The following MRPL39 variants were observed in gnomAD, a reference collection of about 807,000 sequenced individuals.
The protein encoded by MRPL39 is large ribosomal subunit protein mL39.
In MRPL39, 35 loss-of-function variants were observed where a neutral mutation model predicts 44.5. The observed-to-expected ratio is 0.79, with a 90% CI of 0.60 to 1.04. The LOEUF (loss-of-function observed/expected upper bound fraction) is 1.04, where lower values mean the gene tolerates loss of function less well. MRPL39 is among the 50% of genes least tolerant of loss of function. The pLI is 0.00. For missense variants in MRPL39, 433 were observed against 413.5 expected (o/e 1.05, Z -0.41); for synonymous variants, 139 against 136.1 (o/e 1.02, Z -0.15).
chr21:25,599,655 CAGAT>C (rs2031463369), intron 5 of MRPL39, 140 bp downstream of exon 5: 3 of 660,022 alleles, frequency 4.5e-6, no homozygotes, highest in Admixed American at 6.3e-5. Context: ...GACAGACAGA[CAGAT>C]ACATAGATAC....
chr21:25,605,534 C>CA (rs1340005709), intron 2 of MRPL39, among the ~76,000 whole-genome samples: 16 of 151,770 alleles, frequency 1.1e-4, no homozygotes, highest in African/African-American at 2.7e-4. Flanking sequence ...AAAAAGGCGG[C>CA]AAAAAAAAGC....
intron 5 of MRPL39, among the ~76,000 whole-genome samples, 170 bp downstream of exon 5, chr21:25,599,629 A>AATAG (rs3841742): frequency 3.9e-5 from 6 of 152,068 alleles, no homozygotes; most frequent in Non-Finnish European, 8.8e-5. Flanking sequence ...CAACAACACC[A>AATAG]ATAGATAGAT....
intron 9 of MRPL39, among the ~76,000 whole-genome samples, chr21:25,588,582 TC>T (rs2031075812): frequency 6.6e-6 from 1 of 152,216 alleles, no homozygotes; most frequent in African/African-American, 2.4e-5. Flanking sequence ...ATAGTAATAT[TC>T]TTATTTCTCT....
chr21:25,592,560 C>T (rs2031212626), intron 8 of MRPL39, among the ~76,000 whole-genome samples: 1 of 152,072 alleles, frequency 6.6e-6, no homozygotes, highest in Admixed American at 6.5e-5. Context: ...TGTCAATGTA[C>T]CCTCACCTAT....
At chr21:25,586,135 G>T (rs1345946283) in intron 9 of MRPL39, among the ~76,000 whole-genome samples, 3 of 152,100 alleles carry the variant, frequency 2.0e-5, no homozygotes, top group Non-Finnish European at 4.4e-5. Context: ...ACATATTACA[G>T]ATTTAGTCTA....
chr21:25,587,757 C>T (rs764048786), intron 9 of MRPL39: 7 of 1,612,874 alleles, frequency 4.3e-6, no homozygotes, highest in Non-Finnish European at 5.1e-6. Flanking sequence ...AGAATGACTG[C>T]GTAGTAAATA....
chr21:25,591,857 G>A (rs150308362), intron 8 of MRPL39, among the ~76,000 whole-genome samples: 93 of 152,238 alleles, frequency 6.1e-4, no homozygotes, highest in African/African-American at 2.1e-3. Flanking sequence ...ACAAAAACCT[G>A]CACACAATGT....
intron 4 of MRPL39, 102 bp from the exon 5 acceptor site, chr21:25,599,968 T>A (rs2031473968): frequency 1.2e-6 from 1 of 842,062 alleles, no homozygotes. Flanking sequence ...GGATTAGCAC[T>A]CTCTCCCAAC....
At chr21:25,607,673 T>G (rs1367442496), upstream of MRPL39, among the ~76,000 whole-genome samples, 1 of 152,072 alleles carries the variant, frequency 6.6e-6, no homozygotes, top group Non-Finnish European at 1.5e-5. Flanking sequence ...GCGTTACCTG[T>G]GCTCGATACC....
intron 9 of MRPL39, chr21:25,587,648 G>T: frequency 8.0e-7 from 1 of 1,251,908 alleles, no homozygotes; most frequent in Non-Finnish European, 1.2e-6. Context: ...ATAGTATGTG[G>T]ACATATACAA....
intron 5 of MRPL39, among the ~76,000 whole-genome samples, chr21:25,598,450 A>ATAG (rs1159226010): frequency 1.5e-5 from 1 of 66,980 alleles, no homozygotes; most frequent in Non-Finnish European, 4.4e-5. Flanking sequence ...AAAAAAAAAA[A>ATAG]AAAGAGAGAG....
At chr21:25,586,717 T>C (rs778446865) in intron 9 of MRPL39, among the ~76,000 whole-genome samples, 7 of 152,216 alleles carry the variant, frequency 4.6e-5, no homozygotes, top group Non-Finnish European at 8.8e-5. Flanking sequence ...TGACTTCCTC[T>C]GAGATAACCT....
In MRPL39 at chr21:25,592,927, A is replaced by G. The variant is rs771011312; in HGVS notation, c.806T>C (p.Ile269Thr). 6.2e-7 allele frequency: 1 copy of G among 1,613,506 alleles called. No homozygotes were observed. The highest frequency in any genetic ancestry group is 8.5e-7 in the Non-Finnish European group (1 of 1,179,528). Reference sequence around the variant, plus strand: ...CTGGAAACAAATACTTGTTCTTGGAATAAGAGGGCCCTCACTCACATCAAT... The same window carrying G: ...CTGGAAACAAATACTTGTTCTTGGAGTAAGAGGGCCCTCACTCACATCAAT... ...DFIDVSEGPL[I>T]PRTSICFQYE... The change falls in exon 8 of 10, where the codon ATT (isoleucine) becomes ACT (threonine). Residue 269 changes from isoleucine (I) to threonine (T), a missense_variant. Ile to Thr is a moderately conservative substitution (Grantham distance 89, BLOSUM62 -1). Coordinates refer to ENST00000352957, the MANE Select transcript of MRPL39 (RefSeq NM_017446.4).
At chr21:25,588,226 C>T (rs904638405) in intron 9 of MRPL39, among the ~76,000 whole-genome samples, 9 of 151,870 alleles carry the variant, frequency 5.9e-5, no homozygotes, top group Non-Finnish European at 8.8e-5. Flanking sequence ...GCACGAGAAT[C>T]GCTTGAGCCC....
rs566400116 is a variant in MRPL39, at chr21:25,601,001, G to A, written c.520+367C>T. ...CGCGCGCCTGTAGACCCAGCTAATC[G>A]GGAGGGTGAGGCGGGAGAATGGTGT... On this transcript the variant is annotated intron_variant, in intron 4 of 9. Transcript: ENST00000352957. Among the ~76,000 whole-genome samples the A allele has an allele frequency of 3.9e-5, 6 of 152,214 alleles. No individual in the cohort carries two copies. The East Asian group carries it at 5.8e-4, about 15-fold the overall frequency.
chr21:25,596,166 T>C (rs1217179072), intron 6 of MRPL39, among the ~76,000 whole-genome samples: 1 of 151,928 alleles, frequency 6.6e-6, no homozygotes, highest in African/African-American at 2.4e-5. Context: ...TGGCGCCACC[T>C]AGGCTCACTG....
At position 25,592,979 on chromosome 21, in the gene MRPL39, A is replaced by C; in HGVS notation, c.768-14T>G. ...AAGTCACCTATTCTGATTGATTTAA[A>C]AATAAATAAACAAAACTGCAACATC... On this transcript the variant is annotated splice_polypyrimidine_tract_variant and intron_variant, in intron 7 of 9. Coordinates refer to ENST00000352957, the MANE Select transcript of MRPL39 (RefSeq NM_017446.4). 1 of 1,569,088 alleles carries C rather than the reference A, an allele frequency of 6.4e-7. No homozygotes were observed. The highest frequency in any genetic ancestry group is 2.0e-5 in the Admixed American group (1 of 50,364).
At position 25,607,385 on chromosome 21, in the gene MRPL39, A is replaced by G. The variant is rs1004551717; in HGVS notation, c.73+18T>C. 3.1e-6 allele frequency: 5 copies of G among 1,613,498 alleles called. No homozygotes were observed. In the African/African-American group the frequency reaches 4.0e-5, roughly 13 times the overall value. On this transcript the variant is annotated intron_variant, in intron 1 of 9. Coordinates refer to ENST00000352957, the MANE Select transcript of MRPL39 (RefSeq NM_017446.4). ...TATCTAGGCCTCGCTCCCTGTCCCT[A>G]CGGCCTCTGAAACTCACTCCATTTG... is the stretch of plus-strand genomic sequence containing the variant.
At position 25,585,672 on chromosome 21, in the gene MRPL39, T is replaced by A. The variant is rs762648066; in HGVS notation, c.*35A>T. The A allele has an allele frequency of 8.8e-7, 1 of 1,137,812 alleles. No individual in the cohort carries two copies. The highest frequency in any genetic ancestry group is 1.3e-6 in the Non-Finnish European group (1 of 798,488). 70.5% of individuals were successfully genotyped at this position (1,137,812 alleles called of 1,614,324 possible). A position where few individuals can be genotyped will look rare whatever the true frequency, so the allele number is the denominator to read the frequency against. On this transcript the variant is annotated 3_prime_UTR_variant, in exon 10 of 10. Coordinates refer to ENST00000352957, the MANE Select transcript of MRPL39 (RefSeq NM_017446.4). ...ACACAAACATTATATTTAAAACATTTATTTTATTATACATATTTAAATTTT... is the reference window on the plus strand; with the variant it reads ...ACACAAACATTATATTTAAAACATTAATTTTATTATACATATTTAAATTTT...
Sources: allele counts gnomAD v4.1 joint callset (sites outside exome capture counted in the v4.1 genomes callset), GRCh38; gene constraint gnomAD v4.1.1; transcripts MANE v1.5; gene names NCBI Gene and HGNC (gene_info 2026-07-23, HGNC 2026-07-21).